Variants in F7 observed in about 807,000 individuals in gnomAD.
The protein encoded by F7 is coagulation factor VII.
F7 carries 38 observed loss-of-function variants against 47.5 expected under a neutral mutation model. The observed-to-expected ratio is 0.80, with a 90% confidence interval of 0.62 to 1.05. The LOEUF is 1.05. Among genes scored for constraint, F7 ranks in the 50% least tolerant of loss-of-function variants. The pLI is 0.00. For synonymous variants in F7, 244 were observed against 258.5 expected (o/e 0.94, Z 0.54); for missense variants, 575 against 605.4 (o/e 0.95, Z 0.53).
rs1206519277 is a variant in F7, at chr13:113,115,655, C to G, written c.365-5C>G. On this transcript the variant is annotated splice_region_variant and splice_polypyrimidine_tract_variant and intron_variant, in intron 4 of 7. Coordinates refer to ENST00000346342, the MANE Select transcript of F7 (RefSeq NM_019616.4). Reference sequence around the variant, plus strand: ...CCTCTCAGGGTGTCCCCTTCCTGTCCCCAGACAAGGATGACCAGCTGATCT... The same window carrying G: ...CCTCTCAGGGTGTCCCCTTCCTGTCGCCAGACAAGGATGACCAGCTGATCT... 6.2e-7 allele frequency: 1 copy of G among 1,612,456 alleles called. No homozygotes were observed. The highest frequency in any genetic ancestry group is 8.5e-7 in the Non-Finnish European group (1 of 1,179,784).
At chr13:113,112,326 TCA>T (rs1430678618) in intron 2 of F7, among the ~76,000 whole-genome samples, 1 of 139,744 alleles carries the variant, frequency 7.2e-6, no homozygotes, top group Non-Finnish European at 1.5e-5. Flanking sequence ...CACCTCACAC[TCA>T]CAGGTCACCT....
chr13:113,106,730 T>A, intron 1 of F7: 1 of 795,750 alleles, frequency 1.3e-6, no homozygotes, highest in South Asian at 1.6e-5. Context: ...GGCGTGGGGA[T>A]GGCGTGTGGG....
intron 4 of F7, among the ~76,000 whole-genome samples, 180 bp from the exon 5 acceptor site, chr13:113,115,480 C>T (rs916477419): frequency 5.9e-5 from 9 of 152,332 alleles, no homozygotes; most frequent in East Asian, 3.9e-4. Context: ...CTCTGATCCA[C>T]GCCTTGTCCT....
intron 4 of F7, among the ~76,000 whole-genome samples, chr13:113,115,108 G>T (rs2036171058): frequency 6.6e-6 from 1 of 152,200 alleles, no homozygotes; most frequent in Non-Finnish European, 1.5e-5. Context: ...CGGAGTCCTG[G>T]ACTTGCTCAG....
chr13:113,111,219 C>G (rs562702838), intron 2 of F7, among the ~76,000 whole-genome samples: 1 of 152,336 alleles, frequency 6.6e-6, no homozygotes, highest in Admixed American at 6.5e-5. Context: ...GCAGAAGGGA[C>G]GTGGTGAGAA....
At chr13:113,110,142 G>A (rs2036060991) in intron 1 of F7, among the ~76,000 whole-genome samples, 1 of 152,098 alleles carries the variant, frequency 6.6e-6, no homozygotes, top group Non-Finnish European at 1.5e-5. Context: ...GCCCAGGACC[G>A]CCAAGAGCTG....
intron 5 of F7, 72 bp from the exon 6 acceptor site, chr13:113,116,694 T>C: frequency 8.0e-7 from 1 of 1,243,422 alleles, no homozygotes; most frequent in Admixed American, 1.7e-5. Context: ...GGATGGGTGT[T>C]TCTGAATCTT....
At position 113,113,941 on chromosome 13, in the gene F7, G is replaced by C; in HGVS notation, c.345G>C (p.Glu115Asp). The C allele has an allele frequency of 1.2e-6, 2 of 1,614,086 alleles. No individual in the cohort carries two copies. Among genetic ancestry groups the C allele is most frequent in the Admixed American group, 1.7e-5 (1 of 60,032 alleles). Residue 115 changes from glutamate to aspartate, a missense_variant, in exon 4 of 8, where the codon GAG becomes GAC. Physicochemically the swap from Glu to Asp is conservative, Grantham distance 45. Transcript: ENST00000346342. This position sits in a 1 kb window ranked among gnomAD's most constrained non-coding sequence, Gnocchi z 4.1. ...SYICFCLPAFEGRNCETHKDD... is the reference protein window; with the variant it reads ...SYICFCLPAFDGRNCETHKDD... Reference sequence around the variant, plus strand: ...TCTGCTTCTGCCTCCCTGCCTTCGAGGGCCGGAACTGTGAGACGCGTAAGG... The same window carrying C: ...TCTGCTTCTGCCTCCCTGCCTTCGACGGCCGGAACTGTGAGACGCGTAAGG...
rs1199350621 is a variant in F7, at chr13:113,113,460, G to A, written c.226-292G>A. Among the ~76,000 whole-genome samples, 1 of 152,250 alleles carries A rather than the reference G, an allele frequency of 6.6e-6. No individual in the cohort carries two copies. Among genetic ancestry groups the A allele is most frequent in the Non-Finnish European group, 1.5e-5 (1 of 68,048 alleles). On this transcript the variant is annotated intron_variant, in intron 2 of 7. Coordinates refer to ENST00000346342, the MANE Select transcript of F7 (RefSeq NM_019616.4). This position sits in a 1 kb window ranked among gnomAD's most constrained non-coding sequence, Gnocchi z 4.1. ...GAGGTGGAGCTGTGGCTCAGAGCCTGTGTACCTCGTCCCAGGTCCACAGCT... is the reference window on the plus strand; with the variant it reads ...GAGGTGGAGCTGTGGCTCAGAGCCTATGTACCTCGTCCCAGGTCCACAGCT...
At chr13:113,114,063 TAGGCCGG>T in intron 4 of F7, 103 bp downstream of exon 4, 2 of 1,248,598 alleles carry the variant, frequency 1.6e-6, no homozygotes, top group Non-Finnish European at 2.3e-6. Flanking sequence ...GTGGGGTGTG[TAGGCCGG>T]GCATTCAGGG....
At chr13:113,117,067 G>A (rs2036206979) in intron 6 of F7, 192 bp downstream of exon 6, 3 of 695,858 alleles carry the variant, frequency 4.3e-6, no homozygotes, top group South Asian at 3.0e-5. Flanking sequence ...AAAAGAAAAC[G>A]ACACTCACTG....
chr13:113,113,324 G>A lies in F7; in HGVS notation c.226-428G>A, dbSNP rs1184327403. On this transcript the variant is annotated intron_variant, in intron 2 of 7. Transcript: ENST00000346342. The surrounding 1 kb of genome is among the most constrained non-coding windows in gnomAD (Gnocchi z 4.1). The stretch of plus-strand genomic sequence containing the variant: ...GCACCCCGTGAGTTTAAGTTCAGGT[G>A]GCCAACAGTTTCTTCAGCAATCACT... Among the ~76,000 whole-genome samples the A allele has an allele frequency of 6.6e-6, 1 of 152,200 alleles. No homozygotes were observed. The highest frequency in any genetic ancestry group is 1.5e-5 in the Non-Finnish European group (1 of 68,034).
Position 113,118,653 on chromosome 13 carries a change from A to C in F7, c.980A>C (p.Asp327Ala). 1 of 1,612,444 alleles carries C rather than the reference A, an allele frequency of 6.2e-7. No homozygotes were observed. Among genetic ancestry groups the C allele is most frequent in the Middle Eastern group, 1.6e-4 (1 of 6,062 alleles). The part of the protein sequence containing the change: ...SLVSGWGQLL[D>A]RGATALELMV... ...GTCAGCGGCTGGGGCCAGCTGCTGG[A>C]CCGTGGCGCCACGGCCCTGGAGCTC... Residue 327 changes from aspartate (D) to alanine (A), a missense_variant, in exon 8 of 8, where the codon GAC becomes GCC. Transcript: ENST00000346342.
At position 113,106,049 on chromosome 13, in the gene F7, C is replaced by A. The variant is rs1299829169; in HGVS notation, c.64+144C>A. The A allele has an allele frequency of 6.1e-6, 4 of 660,728 alleles. No individual in the cohort carries two copies. In the East Asian group the frequency reaches 1.1e-4, roughly 19 times the overall value. The allele number at this position is 660,728 out of a possible 1,614,324, so 40.9% of individuals were successfully genotyped here. A position where few individuals can be genotyped will look rare whatever the true frequency, so the allele number is the denominator to read the frequency against. On this transcript the variant is annotated intron_variant, in intron 1 of 7. Coordinates refer to ENST00000346342, the MANE Select transcript of F7 (RefSeq NM_019616.4). The stretch of plus-strand genomic sequence containing the variant: ...TTTTCTGGCGGCTCCTGTTCAATTT[C>A]TTTCCTTCTAGAAACCAGCATCCAG...
intron 5 of F7, among the ~76,000 whole-genome samples, chr13:113,116,283 G>A (rs561355865): frequency 8.7e-4 from 132 of 152,312 alleles, no homozygotes; most frequent in African/African-American, 3.0e-3. Flanking sequence ...AGAGGCGGAC[G>A]TGCCCACCCT....
intron 1 of F7, among the ~76,000 whole-genome samples, chr13:113,109,343 C>CG (rs1372529406): frequency 1.3e-5 from 2 of 151,880 alleles, no homozygotes; most frequent in Admixed American, 1.3e-4. Flanking sequence ...TGTGAGGACT[C>CG]GGAGTCCGTG....
chr13:113,106,747 G>C, intron 1 of F7: 1 of 1,185,966 alleles, frequency 8.4e-7, no homozygotes, highest in Non-Finnish European at 1.2e-6. Flanking sequence ...TGGGGATGGC[G>C]AGTGGGGGGT....
At position 113,105,879 on chromosome 13, in the gene F7, T is replaced by A. The variant is rs387906507; in HGVS notation, c.38T>A (p.Leu13His). The A allele has an allele frequency of 1.3e-6, 2 of 1,591,652 alleles. No individual in the cohort carries two copies. The highest frequency in any genetic ancestry group is 2.3e-5 in the South Asian group (2 of 86,994). The stretch of plus-strand genomic sequence containing the variant: ...GCCCTCAGGCTCCTCTGCCTTCTGC[T>A]TGGGCTTCAGGGCTGCCTGGCTGCA... ...SQALRLLCLL[L>H]GLQGCLAAVF... The change falls in exon 1 of 8, where the codon CTT becomes CAT. Residue 13 changes from leucine to histidine, a missense_variant. Leu to His is a moderately conservative substitution (Grantham distance 99). Transcript: ENST00000346342.
At position 113,119,323 on chromosome 13, in the gene F7, T is replaced by C; in HGVS notation, c.*315T>C. 1 of 394,260 alleles carries C rather than the reference T, an allele frequency of 2.5e-6. No homozygotes were observed. The highest frequency in any genetic ancestry group is 4.6e-6 in the Non-Finnish European group (1 of 216,186). The allele number at this position is 394,260 out of a possible 1,614,324, so 24.4% of individuals were successfully genotyped here. ...ACAGAGGGGCAGGGGAGTGCCAAGGTTGTCCTGGAGGCAGACAGCCCAGCT... is the reference window on the plus strand; with the variant it reads ...ACAGAGGGGCAGGGGAGTGCCAAGGCTGTCCTGGAGGCAGACAGCCCAGCT... On this transcript the variant is annotated 3_prime_UTR_variant, in exon 8 of 8. Transcript: ENST00000346342.
Sources: allele counts gnomAD v4.1 joint callset (sites outside exome capture counted in the v4.1 genomes callset), GRCh38; gene constraint gnomAD v4.1.1; non-coding constraint Gnocchi (gnomAD v3.1); transcripts MANE v1.5; gene names NCBI Gene and HGNC (gene_info 2026-07-23, HGNC 2026-07-21).